The following FHIT variants were observed in gnomAD, a reference collection of about 807,000 sequenced individuals.
FHIT encodes bis(5'-adenosyl)-triphosphatase.
A neutral mutation model predicts 17.9 loss-of-function variants in FHIT; 19 were observed. The ratio of observed to expected loss-of-function variants is 1.06; its 90% CI spans 0.74 to 1.56. The LOEUF (loss-of-function observed/expected upper bound fraction) is 1.56. FHIT is among the 40% of genes most tolerant of loss of function. The pLI, the probability that FHIT is intolerant of heterozygous loss-of-function variation, is 0.00. For synonymous variants in FHIT, 81 were observed against 69.7 expected (o/e 1.16, Z -0.81); for missense variants, 248 against 189.2 (o/e 1.31, Z -1.82).
At chr3:60,278,429 C>T (rs1177908647) in intron 5 of FHIT, among the ~76,000 whole-genome samples, 2 of 152,148 alleles carry the variant, frequency 1.3e-5, no homozygotes, top group African/African-American at 4.8e-5. Flanking sequence ...GGGCTCAGAA[C>T]ATTTCAGAAG....
intron 5 of FHIT, among the ~76,000 whole-genome samples, chr3:60,514,344 C>T (rs1045404079): frequency 3.9e-5 from 6 of 152,210 alleles, no homozygotes; most frequent in African/African-American, 1.4e-4. Flanking sequence ...GCCAGCAGTT[C>T]CAGTGTTCCT....
At chr3:60,568,047 G>A (rs2037205753) in intron 4 of FHIT, among the ~76,000 whole-genome samples, 2 of 152,276 alleles carry the variant, frequency 1.3e-5, no homozygotes, top group South Asian at 2.1e-4. Flanking sequence ...AAGTCAGTGT[G>A]GCAATTCCTC....
intron 1 of FHIT, among the ~76,000 whole-genome samples, chr3:61,230,944 G>A (rs375836379): frequency 7.3e-4 from 111 of 152,144 alleles, no homozygotes; most frequent in African/African-American, 2.6e-3. Context: ...TATCACTGAC[G>A]TGTTCAAGTT....
At chr3:60,084,574 A>G (rs2107061374) in intron 5 of FHIT, among the ~76,000 whole-genome samples, 1 of 152,302 alleles carries the variant, frequency 6.6e-6, no homozygotes, top group South Asian at 2.1e-4. Flanking sequence ...CTTTATTAAT[A>G]TATTTATTGG....
intron 5 of FHIT, among the ~76,000 whole-genome samples, chr3:60,209,370 C>G (rs1703345764): frequency 6.6e-6 from 1 of 152,244 alleles, no homozygotes; most frequent in East Asian, 1.9e-4. Flanking sequence ...ACATGATGAT[C>G]TGTTAGAACC....
At chr3:60,438,880 C>T (rs2030535748) in intron 5 of FHIT, among the ~76,000 whole-genome samples, 1 of 152,058 alleles carries the variant, frequency 6.6e-6, no homozygotes, top group Non-Finnish European at 1.5e-5. Flanking sequence ...GTTCCATCAC[C>T]TCAGTTGTAT....
intron 5 of FHIT, among the ~76,000 whole-genome samples, chr3:60,430,033 C>T (rs1702819367): frequency 6.6e-6 from 1 of 151,924 alleles, no homozygotes; most frequent in Non-Finnish European, 1.5e-5. Context: ...CTGGGAGATA[C>T]TGACTGACTG....
intron 3 of FHIT, among the ~76,000 whole-genome samples, chr3:60,929,809 C>T (rs190773151): frequency 9.9e-4 from 150 of 152,222 alleles, no homozygotes; most frequent in African/African-American, 3.3e-3. Context: ...ATAGATTCAA[C>T]GCCATCCCCA....
At chr3:60,040,132 CTTCT>C (rs1050492157) in intron 5 of FHIT, among the ~76,000 whole-genome samples, 3 of 148,922 alleles carry the variant, frequency 2.0e-5, no homozygotes, top group African/African-American at 4.9e-5. Flanking sequence ...GAATAATTTC[CTTCT>C]TTCTTTTTAT....
intron 4 of FHIT, among the ~76,000 whole-genome samples, chr3:60,554,680 AAAAATAAATACC>A (rs1166019951): frequency 2.1e-4 from 32 of 152,322 alleles, no homozygotes; most frequent in African/African-American, 7.5e-4. Flanking sequence ...ATATTATTTT[AAAAATAAATACC>A]AAAAGAAATA....
At chr3:60,852,020 G>T (rs1441814226) in intron 3 of FHIT, among the ~76,000 whole-genome samples, 2 of 152,096 alleles carry the variant, frequency 1.3e-5, no homozygotes, top group Non-Finnish European at 2.9e-5. Flanking sequence ...GAGTATGGCT[G>T]TGAGGGTGCT....
At chr3:61,023,017 A>G (rs1006336741) in intron 3 of FHIT, among the ~76,000 whole-genome samples, 1 of 152,214 alleles carries the variant, frequency 6.6e-6, no homozygotes, top group African/African-American at 2.4e-5. Context: ...AGAAAGAAAT[A>G]AAGCATATTC....
chr3:60,444,614 A>T (rs1249852008), intron 5 of FHIT, among the ~76,000 whole-genome samples: 3 of 152,076 alleles, frequency 2.0e-5, no homozygotes, highest in East Asian at 3.9e-4. Context: ...CAAACACCGC[A>T]TGTTCTCACT....
At chr3:60,976,614 T>A (rs1193933105) in intron 3 of FHIT, among the ~76,000 whole-genome samples, 1 of 152,226 alleles carries the variant, frequency 6.6e-6, no homozygotes, top group African/African-American at 2.4e-5. Flanking sequence ...TGTTGTTTCA[T>A]CACTGTTTCT....
At chr3:60,521,739 T>C (rs192883542) in intron 5 of FHIT, among the ~76,000 whole-genome samples, 58 of 152,306 alleles carry the variant, frequency 3.8e-4, no homozygotes, top group African/African-American at 1.4e-3. Context: ...AGTTTCCCCA[T>C]ATGGGACTAA....
At chr3:61,208,109 A>G (rs1157737850) in intron 1 of FHIT, among the ~76,000 whole-genome samples, 6 of 152,096 alleles carry the variant, frequency 3.9e-5, no homozygotes, top group Non-Finnish European at 7.4e-5. Flanking sequence ...TTCAGTTTCC[A>G]TGTAATTGAG....
intron 5 of FHIT, among the ~76,000 whole-genome samples, chr3:60,076,338 A>T (rs948656806): frequency 6.6e-6 from 1 of 152,100 alleles, no homozygotes; most frequent in Non-Finnish European, 1.5e-5. Flanking sequence ...CCAGTACTGT[A>T]ATATTAAGTT....
chr3:60,367,154 C>G (rs1279365599), intron 5 of FHIT, among the ~76,000 whole-genome samples: 1 of 152,152 alleles, frequency 6.6e-6, no homozygotes, highest in Non-Finnish European at 1.5e-5. Flanking sequence ...AATGGGCTGG[C>G]CCTTTGATTT....
At position 60,494,375 on chromosome 3, in the gene FHIT, A is replaced by G. The variant is rs187339611; in HGVS notation, c.103+42485T>C. 1.9e-3 allele frequency among the ~76,000 whole-genome samples: 290 copies of G among 152,310 alleles called. 1 individual carries two copies. Among genetic ancestry groups the G allele is most frequent in the Non-Finnish European group, 3.5e-3 (236 of 68,030 alleles). The stretch of plus-strand genomic sequence containing the variant: ...ATAGTTGTATATATTTATGGGGTAC[A>G]TGACATGTTTTGATACAGACATGCA... On this transcript the variant is annotated intron_variant, in intron 5 of 9. Coordinates refer to ENST00000492590, the MANE Select transcript of FHIT (RefSeq NM_002012.4).
Sources: allele counts gnomAD v4.1 joint callset (sites outside exome capture counted in the v4.1 genomes callset), GRCh38; gene constraint gnomAD v4.1.1; transcripts MANE v1.5; gene names NCBI Gene and HGNC (gene_info 2026-07-23, HGNC 2026-07-21).